The following PPFIA2 variants were observed in gnomAD, a reference collection of about 807,000 sequenced individuals.
PPFIA2 encodes liprin-alpha-2.
PPFIA2 carries 46 observed loss-of-function variants against 175.5 expected under a neutral mutation model. That is an observed-to-expected ratio of 0.26 (90% CI 0.21 to 0.34). The LOEUF is 0.34. Ranked by LOEUF, PPFIA2 falls within the 10% of genes least tolerant of loss-of-function variation. The pLI is 1.00. For synonymous variants in PPFIA2, 568 were observed against 511.4 expected (o/e 1.11, Z -1.49); for missense variants, 1,179 against 1,506.1 (o/e 0.78, Z 3.60).
At chr12:81,417,751 C>A (rs1400598783) in intron 7 of PPFIA2, among the ~76,000 whole-genome samples, 1 of 151,486 alleles carries the variant, frequency 6.6e-6, no homozygotes, top group Non-Finnish European at 1.5e-5. Context: ...AAAATAATGT[C>A]AGTATGAGAA....
At position 81,642,708 on chromosome 12, in the gene PPFIA2, A is replaced by ATATATTATATACATACATGTACG. The variant is rs1555549387; in HGVS notation, c.303+34082_303+34083insCGTACATGTATGTATATAATATA. On this transcript the variant is annotated intron_variant, in intron 4 of 32. Coordinates refer to ENST00000549396, the MANE Select transcript of PPFIA2 (RefSeq NM_003625.5). ...CTATTATATACATACATGTATATGT[A>ATATATTATATACATACATGTACG]TGTATGTATTATATACATACATGTA... 4.1e-3 allele frequency among the ~76,000 whole-genome samples: 390 copies of ATATATTATATACATACATGTACG among 95,776 alleles called. 141 individuals carry two copies. The highest frequency in any genetic ancestry group is 7.5e-3 in the Non-Finnish European group (314 of 41,684). The allele number at this position is 95,776 out of a possible 152,430, so 62.8% of individuals were successfully genotyped here.
intron 3 of PPFIA2, among the ~76,000 whole-genome samples, chr12:81,710,691 G>T (rs1469586344): frequency 1.3e-5 from 2 of 151,930 alleles, no homozygotes; most frequent in East Asian, 3.9e-4. Flanking sequence ...TATACACATA[G>T]AACTGAGATA....
At chr12:81,715,256 T>C (rs1567976905) in intron 3 of PPFIA2, among the ~76,000 whole-genome samples, 1 of 147,144 alleles carries the variant, frequency 6.8e-6, no homozygotes, top group Admixed American at 7.7e-5. Context: ...CTGTGTGAAC[T>C]GTTTATCTTC....
intron 4 of PPFIA2, among the ~76,000 whole-genome samples, chr12:81,597,499 G>A (rs759350190): frequency 9.6e-4 from 146 of 152,062 alleles, no homozygotes; most frequent in South Asian, 1.0e-3. Context: ...TTAAATAATG[G>A]GAATTATGTT....
At chr12:81,615,208 G>A (rs546741164) in intron 4 of PPFIA2, among the ~76,000 whole-genome samples, 7 of 152,142 alleles carry the variant, frequency 4.6e-5, no homozygotes, top group Non-Finnish European at 8.8e-5. Context: ...AGCTGCTCCC[G>A]TTTTTGGCCT....
chr12:81,471,370 C>T (rs2056699495), intron 4 of PPFIA2: 1 of 151,168 alleles, frequency 6.6e-6, no homozygotes, highest in South Asian at 2.1e-4. Context: ...CCCTATATTT[C>T]CCAGGCTGGT....
At chr12:81,357,394 G>C (rs927292997) in intron 16 of PPFIA2, among the ~76,000 whole-genome samples, 3 of 152,124 alleles carry the variant, frequency 2.0e-5, no homozygotes, top group Admixed American at 6.6e-5. Flanking sequence ...TATTTGGGGT[G>C]AATAAAAGTG....
At chr12:81,279,039 T>C (rs1318937020) in intron 27 of PPFIA2, 1 of 152,182 alleles carries the variant, frequency 6.6e-6, no homozygotes, top group Non-Finnish European at 1.5e-5. Context: ...TAATTCTCAG[T>C]ACTTCAGAAT....
chr12:81,504,097 T>TTA (rs1440347457), intron 4 of PPFIA2, among the ~76,000 whole-genome samples: 2 of 151,976 alleles, frequency 1.3e-5, no homozygotes, highest in Non-Finnish European at 2.9e-5. Context: ...TATAAAGTAA[T>TTA]TATAAATAAA....
At chr12:81,611,452 T>C (rs1418514420) in intron 4 of PPFIA2, among the ~76,000 whole-genome samples, 1 of 152,016 alleles carries the variant, frequency 6.6e-6, no homozygotes, top group Non-Finnish European at 1.5e-5. Flanking sequence ...CCGTGGTTCA[T>C]GGTTGGGTTC....
At chr12:81,348,371 AG>A (rs1373610527) in intron 17 of PPFIA2, among the ~76,000 whole-genome samples, 2 of 152,160 alleles carry the variant, frequency 1.3e-5, no homozygotes, top group African/African-American at 4.8e-5. Context: ...AATAAGTACC[AG>A]AAAAGGTAAT....
intron 19 of PPFIA2, among the ~76,000 whole-genome samples, chr12:81,341,795 A>G (rs2058133634): frequency 6.6e-6 from 1 of 152,158 alleles, no homozygotes; most frequent in African/African-American, 2.4e-5. Context: ...TATTAAACAC[A>G]CATTTGAACA....
intron 4 of PPFIA2, chr12:81,598,085 G>C: frequency 6.5e-7 from 1 of 1,533,630 alleles, no homozygotes; most frequent in Non-Finnish European, 8.7e-7. Flanking sequence ...GCAGAGCAGA[G>C]AGCTTAGCGT....
At chr12:81,621,824 T>C (rs73362565) in intron 4 of PPFIA2, among the ~76,000 whole-genome samples, 1,799 of 152,304 alleles carry the variant, frequency 0.012, 54 homozygotes, top group East Asian at 0.094. Context: ...AGATATCCTT[T>C]AGACATATAC....
intron 4 of PPFIA2, among the ~76,000 whole-genome samples, chr12:81,508,452 C>T (rs1344259615): frequency 7.8e-6 from 1 of 128,752 alleles, no homozygotes; most frequent in African/African-American, 2.9e-5. Flanking sequence ...ACCCAGGAGG[C>T]GGAAGTTGTG....
chr12:81,636,263 ATT>A (rs147916617), intron 4 of PPFIA2, among the ~76,000 whole-genome samples: 133 of 117,326 alleles, frequency 1.1e-3, no homozygotes, highest in African/African-American at 2.7e-3. Context: ...TAACTCTCTG[ATT>A]TTTTTTTTTT....
chr12:81,624,842 T>A (rs7960590), intron 4 of PPFIA2, among the ~76,000 whole-genome samples: 1 of 150,110 alleles, frequency 6.7e-6, no homozygotes, highest in South Asian at 2.1e-4. Context: ...GGGTGGAGGG[T>A]GACCAGGGAT....
intron 4 of PPFIA2, among the ~76,000 whole-genome samples, chr12:81,570,337 T>C (rs952566714): frequency 3.3e-5 from 5 of 152,190 alleles, no homozygotes; most frequent in African/African-American, 4.8e-5. Flanking sequence ...CATTTATTCC[T>C]TTGAAAAATC....
chr12:81,665,297 A>T, intron 4 of PPFIA2, among the ~76,000 whole-genome samples: 1 of 152,064 alleles, frequency 6.6e-6, no homozygotes, highest in East Asian at 1.9e-4. Flanking sequence ...ATACAGCAAA[A>T]AATTATTTCT....
Sources: allele counts gnomAD v4.1 joint callset (sites outside exome capture counted in the v4.1 genomes callset), GRCh38; gene constraint gnomAD v4.1.1; transcripts MANE v1.5; gene names NCBI Gene and HGNC (gene_info 2026-07-23, HGNC 2026-07-21).